The following NFASC variants were observed in gnomAD, a reference collection of about 807,000 sequenced individuals.
The protein encoded by NFASC is neurofascin, also known as neurofascin homolog.
Under a neutral mutation model 147.5 loss-of-function variants are expected in NFASC, and 43 were observed. The observed-to-expected ratio is 0.29, with a 90% CI of 0.23 to 0.38. The LOEUF is 0.38. NFASC is among the 10% of genes least tolerant of loss of function. NFASC has a pLI of 1.00. For synonymous variants in NFASC, 622 were observed against 665.5 expected (o/e 0.93, Z 1.01); for missense variants, 1,320 against 1,689.0 (o/e 0.78, Z 3.83).
At chr1:204,947,855 C>G (rs1366683986) in intron 3 of NFASC, among the ~76,000 whole-genome samples, 2 of 152,126 alleles carry the variant, frequency 1.3e-5, no homozygotes, top group South Asian at 2.1e-4. Flanking sequence ...TATGCACACT[C>G]TCACACATAC....
chr1:204,861,578 C>G (rs745715043), intron 1 of NFASC, among the ~76,000 whole-genome samples: 14 of 152,214 alleles, frequency 9.2e-5, no homozygotes, highest in Non-Finnish European at 1.6e-4. Flanking sequence ...CAAGCTCCGC[C>G]TTCAGGGTTC....
chr1:204,875,073 T>TTTGTTGTTGTTGTTGTTG (rs3046329), intron 1 of NFASC, among the ~76,000 whole-genome samples: 1 of 150,738 alleles, frequency 6.6e-6, no homozygotes, highest in Non-Finnish European at 1.5e-5. Context: ...GTGGGTCTGC[T>TTTGTTGTTGTTGTTGTTG]TTGTTGTTGT....
At position 204,998,922 on chromosome 1, in the gene NFASC, C is replaced by G. The variant is rs939030005; in HGVS notation, c.3019+1516C>G. ...AGTTCTGTGAGACGCTGCAGAGGAC[C>G]TGGCCATGGCCTTGATCTTATCTAG... On this transcript the variant is annotated intron_variant, in intron 25 of 29. Coordinates refer to ENST00000339876, the MANE Select transcript of NFASC (RefSeq NM_001005388.3). The G allele has an allele frequency of 2.0e-5, 3 of 152,258 alleles. 1 individual carries two copies. Among genetic ancestry groups the G allele is most frequent in the East Asian group, 3.8e-4 (2 of 5,202 alleles). 9.4% of individuals were successfully genotyped at this position (152,258 alleles called of 1,614,324 possible).
chr1:204,889,940 G>A (rs970340375), intron 1 of NFASC, among the ~76,000 whole-genome samples: 25 of 152,148 alleles, frequency 1.6e-4, no homozygotes, highest in African/African-American at 5.6e-4. Flanking sequence ...ATTCCCCTCC[G>A]GCAGCCGACT....
chr1:204,949,631 G>C (rs12093139), intron 3 of NFASC, among the ~76,000 whole-genome samples: 3,439 of 152,306 alleles, frequency 0.023, 145 homozygotes, highest in African/African-American at 0.078. Flanking sequence ...ACCTTCCTAT[G>C]CAGAGTGTGG....
chr1:204,892,162 C>T (rs990841106), intron 1 of NFASC, among the ~76,000 whole-genome samples: 10 of 152,228 alleles, frequency 6.6e-5, no homozygotes, highest in Admixed American at 1.3e-4. Flanking sequence ...TTCTCTGATG[C>T]TGACTACACA....
intron 3 of NFASC, chr1:204,946,767 C>G (rs753996566): frequency 3.9e-6 from 2 of 518,058 alleles, no homozygotes; most frequent in Non-Finnish European, 7.7e-6. Context: ...TGAACACCAA[C>G]CCTTCCCGAG....
Position 204,903,909 on chromosome 1 carries a change from G to T in NFASC, c.-199-16723G>T, listed in dbSNP as rs75115759. Among the ~76,000 whole-genome samples, 205 of 152,340 alleles carry T rather than the reference G, an allele frequency of 1.3e-3. 4 individuals carry two copies. In the East Asian group the frequency reaches 0.037, roughly 27 times the overall value. On this transcript the variant is annotated intron_variant, in intron 1 of 29. Transcript: ENST00000339876. ...TTATCTTTTTATCTTTCACAGGGTTGTAGGGTGTTTGTTGAAATTTTGCTA... is the reference window on the plus strand; with the variant it reads ...TTATCTTTTTATCTTTCACAGGGTTTTAGGGTGTTTGTTGAAATTTTGCTA...
At chr1:204,846,434 G>T (rs1677055072) in intron 1 of NFASC, among the ~76,000 whole-genome samples, 1 of 152,114 alleles carries the variant, frequency 6.6e-6, no homozygotes, top group African/African-American at 2.4e-5. Context: ...TGCACAGAGA[G>T]CTTGGTGGCC....
intron 15 of NFASC, 107 bp from the exon 16 acceptor site, chr1:204,976,564 C>T (rs2150376812): frequency 1.3e-6 from 1 of 777,808 alleles, no homozygotes; most frequent in Non-Finnish European, 2.1e-6. Context: ...CCAGAAGGAG[C>T]TTCCCTTGCC....
chr1:204,840,965 G>A (rs1675169902), intron 1 of NFASC, among the ~76,000 whole-genome samples: 1 of 152,212 alleles, frequency 6.6e-6, no homozygotes, highest in African/African-American at 2.4e-5. Context: ...TCGTAGAGAA[G>A]TGGTCCTGTA....
chr1:204,901,040 A>G (rs941555194), intron 1 of NFASC, among the ~76,000 whole-genome samples: 2 of 152,054 alleles, frequency 1.3e-5, no homozygotes, highest in African/African-American at 4.8e-5. Flanking sequence ...GGTGAGAGAG[A>G]AAGAGAGGAG....
Position 204,944,357 on chromosome 1 carries a change from C to T in NFASC, c.42C>T (p.Phe14=). 1.2e-6 allele frequency: 2 copies of T among 1,613,522 alleles called. No homozygotes were observed. Among genetic ancestry groups the T allele is most frequent in the Non-Finnish European group, 1.7e-6 (2 of 1,179,692 alleles). Residue 14 remains phenylalanine (F), a synonymous_variant, in exon 3 of 30, where the codon TTC becomes TTT. Coordinates refer to ENST00000339876, the MANE Select transcript of NFASC (RefSeq NM_001005388.3). The stretch of plus-strand genomic sequence containing the variant: ...CGCCGCCCTGGGTCCATGCAGCCTT[C>T]CTCCTCTGCCTCCTCAGTCTTGGCG... ...QPPPPWVHAA[F]LLCLLSLGGA...
At chr1:204,881,150 C>T (rs2080127640) in intron 1 of NFASC, among the ~76,000 whole-genome samples, 1 of 152,184 alleles carries the variant, frequency 6.6e-6, no homozygotes, top group Non-Finnish European at 1.5e-5. Flanking sequence ...CACAATGGTG[C>T]CTCAGCATGG....
chr1:204,885,956 A>G (rs2081237604), intron 1 of NFASC, among the ~76,000 whole-genome samples: 2 of 152,126 alleles, frequency 1.3e-5, no homozygotes, highest in South Asian at 4.1e-4. Flanking sequence ...CAAACATGTA[A>G]TTCTGTCATT....
chr1:204,876,797 T>C lies in NFASC; in HGVS notation c.-199-43835T>C, dbSNP rs186732730. On this transcript the variant is annotated intron_variant, in intron 1 of 29. Coordinates refer to ENST00000339876, the MANE Select transcript of NFASC (RefSeq NM_001005388.3). ...TCAGAATTTTATTCCTTTTCCAGGC[T>C]GAATAATATTCTATTGTATGTGTTG... 4.9e-4 allele frequency among the ~76,000 whole-genome samples: 75 copies of C among 151,982 alleles called. No homozygotes were observed. The East Asian group carries it at 0.014, about 29-fold the overall frequency.
chr1:204,895,491 T>C (rs1469591629), intron 1 of NFASC, among the ~76,000 whole-genome samples: 3 of 152,234 alleles, frequency 2.0e-5, no homozygotes, highest in Admixed American at 6.5e-5. Context: ...TAATAGAGGA[T>C]GTGCATCCAT....
Position 205,020,610 on chromosome 1 carries a change from G to C in NFASC, c.*4071G>C, listed in dbSNP as rs1160149741. 6.6e-6 allele frequency: 1 copy of C among 152,296 alleles called. No individual in the cohort carries two copies. The highest frequency in any genetic ancestry group is 1.5e-5 in the Non-Finnish European group (1 of 68,090). The allele number at this position is 152,296 out of a possible 1,614,324, so 9.4% of individuals were successfully genotyped here. On this transcript the variant is annotated 3_prime_UTR_variant, in exon 30 of 30. Transcript: ENST00000339876. ...TGCCCAAGCAATGGCACGGGCAGCGGGCTCTTTCTGGCGCCCTGTGCTGGA... is the reference window on the plus strand; with the variant it reads ...TGCCCAAGCAATGGCACGGGCAGCGCGCTCTTTCTGGCGCCCTGTGCTGGA...
Position 205,015,666 on chromosome 1 carries a change from GCCC to G in NFASC, c.3492-637_3492-635del, listed in dbSNP as rs569710977. ...GCTGGCATCACCTGCTTACCTGTGT[GCCC>G]CCCCACCACCACCACTCTTGCGCAC... On this transcript the variant is annotated intron_variant, in intron 29 of 29. Transcript: ENST00000339876. This position sits in a 1 kb window ranked among gnomAD's most constrained non-coding sequence, Gnocchi z 4.0. 3.9e-3 allele frequency among the ~76,000 whole-genome samples: 599 copies of G among 152,058 alleles called. 3 individuals carry two copies. The highest frequency in any genetic ancestry group is 0.014 in the African/African-American group (569 of 41,478).
Sources: allele counts gnomAD v4.1 joint callset (sites outside exome capture counted in the v4.1 genomes callset), GRCh38; gene constraint gnomAD v4.1.1; non-coding constraint Gnocchi (gnomAD v3.1); transcripts MANE v1.5; gene names NCBI Gene and HGNC (gene_info 2026-07-23, HGNC 2026-07-21).